Variants in SRGAP3 observed in about 807,000 individuals in gnomAD.
The protein encoded by SRGAP3 is SLIT-ROBO Rho GTPase activating protein 3, also known as SLIT-ROBO Rho GTPase-activating protein 3.
Under a neutral mutation model 121.1 loss-of-function variants are expected in SRGAP3, and 39 were observed. That is an observed-to-expected ratio of 0.32 (90% CI 0.25 to 0.42). SRGAP3 has a LOEUF of 0.42. Ranked by LOEUF, SRGAP3 falls within the 10% of genes least tolerant of loss-of-function variation. The pLI, the probability that SRGAP3 is intolerant of heterozygous loss-of-function variation, is 1.00. For synonymous variants in SRGAP3, 601 were observed against 570.0 expected (o/e 1.05, Z -0.77); for missense variants, 1,213 against 1,470.6 (o/e 0.82, Z 2.86).
intron 4 of SRGAP3, among the ~76,000 whole-genome samples, chr3:9,073,234 C>G (rs1476195806): frequency 6.6e-6 from 1 of 152,214 alleles, no homozygotes; most frequent in African/African-American, 2.4e-5. Flanking sequence ...GTCTTCACCT[C>G]CCAAGCTCAG....
chr3:9,123,789 G>C (rs185436553), intron 2 of SRGAP3, among the ~76,000 whole-genome samples: 256 of 132,912 alleles, frequency 1.9e-3, no homozygotes, highest in African/African-American at 7.6e-3. Flanking sequence ...TGTATACACA[G>C]AGAGAGAGAG....
intron 3 of SRGAP3, among the ~76,000 whole-genome samples, chr3:9,268,839 CA>C (rs1321277721): frequency 1.3e-5 from 2 of 152,176 alleles, no homozygotes; most frequent in Admixed American, 1.3e-4. Flanking sequence ...CACTACGTCA[CA>C]CTGCATTTCA....
chr3:9,070,743 T>C (rs146121516), intron 4 of SRGAP3, among the ~76,000 whole-genome samples: 1 of 152,122 alleles, frequency 6.6e-6, no homozygotes, highest in Non-Finnish European at 1.5e-5. Flanking sequence ...TACTTGGAAG[T>C]AGGGAGATTG....
intron 1 of SRGAP3, among the ~76,000 whole-genome samples, chr3:9,199,705 T>C (rs886496085): frequency 6.6e-6 from 1 of 152,236 alleles, no homozygotes; most frequent in Non-Finnish European, 1.5e-5. Context: ...TTCCTAGTTA[T>C]TGAGTCCCTA....
chr3:9,031,713 C>T (rs530338516), intron 12 of SRGAP3, among the ~76,000 whole-genome samples: 6 of 152,310 alleles, frequency 3.9e-5, no homozygotes, highest in East Asian at 3.9e-4. Flanking sequence ...AGCTGGAGCA[C>T]GAGCAGCCTC....
In SRGAP3 at chr3:8,984,506, C is replaced by T. The variant is rs1417033406; in HGVS notation, c.*1013G>A. On this transcript the variant is annotated 3_prime_UTR_variant, in exon 22 of 22. Coordinates refer to ENST00000383836, the MANE Select transcript of SRGAP3 (RefSeq NM_014850.4). Reference sequence around the variant, plus strand: ...TATAGTTACCACAGATTTATTCCTACAGCATTTCTAGGTTTTGGAGTATTC... The same window carrying T: ...TATAGTTACCACAGATTTATTCCTATAGCATTTCTAGGTTTTGGAGTATTC... 4.3e-6 allele frequency: 1 copy of T among 232,408 alleles called. No homozygotes were observed. Among genetic ancestry groups the T allele is most frequent in the Non-Finnish European group, 8.5e-6 (1 of 117,572 alleles). 14.4% of individuals were successfully genotyped at this position (232,408 alleles called of 1,614,324 possible). A position where few individuals can be genotyped will look rare whatever the true frequency, so the allele number is the denominator to read the frequency against.
chr3:9,028,397 T>C (rs551377149), intron 12 of SRGAP3, among the ~76,000 whole-genome samples: 5 of 152,232 alleles, frequency 3.3e-5, no homozygotes, highest in African/African-American at 1.2e-4. Flanking sequence ...CCAGCTGACA[T>C]GGGGGCCTCT....
At chr3:9,343,516 T>C (rs1243579654) in intron 1 of SRGAP3, among the ~76,000 whole-genome samples, 57 of 152,220 alleles carry the variant, frequency 3.7e-4, no homozygotes, top group Admixed American at 3.7e-3. Flanking sequence ...TTTATAGAAG[T>C]CATATATGTT....
At chr3:9,120,988 C>T (rs1948984764) in intron 2 of SRGAP3, among the ~76,000 whole-genome samples, 1 of 152,154 alleles carries the variant, frequency 6.6e-6, no homozygotes, top group Admixed American at 6.5e-5. Flanking sequence ...AGACACGGCC[C>T]ATGGAGCACA....
At chr3:9,199,856 T>C (rs112055739) in intron 1 of SRGAP3, among the ~76,000 whole-genome samples, 1,910 of 152,342 alleles carry the variant, frequency 0.013, 48 homozygotes, top group South Asian at 0.088. Flanking sequence ...ACATGGTCTC[T>C]GTCCCCTGGA....
At chr3:9,153,786 T>C (rs1950294289) in intron 1 of SRGAP3, among the ~76,000 whole-genome samples, 1 of 152,170 alleles carries the variant, frequency 6.6e-6, no homozygotes, top group African/African-American at 2.4e-5. Context: ...TATACATATG[T>C]TATCGTATAG....
chr3:8,999,397 G>A (rs1352034563), intron 18 of SRGAP3, among the ~76,000 whole-genome samples: 1 of 152,198 alleles, frequency 6.6e-6, no homozygotes, highest in Admixed American at 6.5e-5. Context: ...GAATCTGAAG[G>A]TTGGACATTT....
rs899243933 is a variant in SRGAP3 at position 9,333,805 on chromosome 3, A to G, written n.215-3209T>C. On this transcript the variant is annotated intron_variant and non_coding_transcript_variant, in intron 1 of 3. Transcript: ENST00000490889. ...TTTCCCTAGAGTGGTACTAGACATA[A>G]CTTCTAACATATACAAGTGAAAATT... Among the ~76,000 whole-genome samples the G allele has an allele frequency of 1.3e-5, 2 of 152,150 alleles. 1 individual carries two copies. Among genetic ancestry groups the G allele is most frequent in the Non-Finnish European group, 2.9e-5 (2 of 68,034 alleles).
intron 1 of SRGAP3, among the ~76,000 whole-genome samples, chr3:9,224,046 G>A (rs1270670877): frequency 2.0e-5 from 3 of 152,036 alleles, no homozygotes; most frequent in African/African-American, 7.3e-5. Flanking sequence ...GAAAACAGAC[G>A]CCCCTGCAGA....
intron 1 of SRGAP3, among the ~76,000 whole-genome samples, chr3:9,244,076 AT>A (rs1953741688): frequency 6.6e-6 from 1 of 152,094 alleles, no homozygotes; most frequent in Non-Finnish European, 1.5e-5. Flanking sequence ...TGCTTTCTTC[AT>A]TTTATCCTGT....
intron 3 of SRGAP3, among the ~76,000 whole-genome samples, chr3:9,100,171 G>C (rs992299563): frequency 2.0e-5 from 3 of 152,204 alleles, no homozygotes; most frequent in African/African-American, 7.2e-5. Context: ...GCCAAACTCA[G>C]TTGTGCACTG....
At chr3:9,135,021 A>G (rs1445223535) in intron 1 of SRGAP3, among the ~76,000 whole-genome samples, 1 of 152,240 alleles carries the variant, frequency 6.6e-6, no homozygotes, top group Non-Finnish European at 1.5e-5. Context: ...AGTTCCTGGC[A>G]TAGTGCTTTC....
At chr3:9,286,760 A>G (rs35565545) in intron 3 of SRGAP3, among the ~76,000 whole-genome samples, 14,433 of 138,614 alleles carry the variant, frequency 0.1, 1,041 homozygotes, top group Non-Finnish European at 0.14. Context: ...CCGCCACCAC[A>G]CCCGGCTAAT....
At chr3:9,121,278 T>C (rs1287036724) in intron 2 of SRGAP3, among the ~76,000 whole-genome samples, 1 of 152,196 alleles carries the variant, frequency 6.6e-6, no homozygotes, top group Non-Finnish European at 1.5e-5. Flanking sequence ...CTTAAGGCAC[T>C]GAGGGGCTAC....
Sources: allele counts gnomAD v4.1 joint callset (sites outside exome capture counted in the v4.1 genomes callset), GRCh38; gene constraint gnomAD v4.1.1; transcripts MANE v1.5; gene names NCBI Gene and HGNC (gene_info 2026-07-23, HGNC 2026-07-21).